The following THSD7B variants were observed in gnomAD, a reference collection of about 807,000 sequenced individuals.
The protein encoded by THSD7B is thrombospondin type-1 domain-containing protein 7B.
THSD7B carries 138 observed loss-of-function variants against 213.6 expected under a neutral mutation model. The observed-to-expected ratio is 0.65, with a 90% CI of 0.56 to 0.74. The LOEUF is 0.74. Ranked by LOEUF, THSD7B falls within the 30% of genes least tolerant of loss-of-function variation. THSD7B has a pLI of 0.00. For missense variants in THSD7B, 1,931 were observed against 1,991.5 expected (o/e 0.97, Z 0.58); for synonymous variants, 742 against 687.0 (o/e 1.08, Z -1.25).
intron 2 of THSD7B, among the ~76,000 whole-genome samples, chr2:136,999,325 A>C (rs1685958866): frequency 6.6e-6 from 1 of 152,134 alleles, no homozygotes; most frequent in Non-Finnish European, 1.5e-5. Flanking sequence ...CTTTTATCTA[A>C]CCTTTGCTAG....
chr2:137,599,314 T>C (rs997079840), intron 17 of THSD7B, among the ~76,000 whole-genome samples: 4 of 152,066 alleles, frequency 2.6e-5, no homozygotes, highest in Non-Finnish European at 5.9e-5. Context: ...TCCAAGTCTT[T>C]GCTATTGTGA....
At chr2:136,911,009 A>G (rs1190830097) in intron 2 of THSD7B, among the ~76,000 whole-genome samples, 1 of 152,158 alleles carries the variant, frequency 6.6e-6, no homozygotes, top group Non-Finnish European at 1.5e-5. Flanking sequence ...TACCTTAATT[A>G]TAGAATTATG....
intron 5 of THSD7B, among the ~76,000 whole-genome samples, chr2:137,116,574 A>C (rs1211149816): frequency 6.6e-6 from 1 of 152,174 alleles, no homozygotes; most frequent in Non-Finnish European, 1.5e-5. Context: ...ATTATGACCT[A>C]CCTATTTTTC....
At chr2:136,869,661 A>G (rs970522673) in intron 1 of THSD7B, among the ~76,000 whole-genome samples, 4 of 152,228 alleles carry the variant, frequency 2.6e-5, no homozygotes, top group Non-Finnish European at 5.9e-5. Context: ...TTGATTCCAT[A>G]ATTTCATTCC....
At chr2:137,483,327 T>C (rs904374057) in intron 15 of THSD7B, among the ~76,000 whole-genome samples, 1 of 152,222 alleles carries the variant, frequency 6.6e-6, no homozygotes, top group Non-Finnish European at 1.5e-5. Context: ...TTACTGAAAG[T>C]TACATAACTA....
At chr2:137,287,643 C>G (rs1186704332) in intron 12 of THSD7B, among the ~76,000 whole-genome samples, 1 of 152,068 alleles carries the variant, frequency 6.6e-6, no homozygotes, top group East Asian at 1.9e-4. Context: ...AGATGCTGTC[C>G]TGTGCCAGCC....
chr2:136,808,050 C>T (rs1473635327), intron 1 of THSD7B, among the ~76,000 whole-genome samples: 1 of 152,194 alleles, frequency 6.6e-6, no homozygotes, highest in Non-Finnish European at 1.5e-5. Flanking sequence ...CAAATCTGAT[C>T]TGTTACCTTG....
intron 1 of THSD7B, among the ~76,000 whole-genome samples, chr2:136,769,729 A>G (rs929618628): frequency 1.3e-5 from 2 of 152,198 alleles, no homozygotes; most frequent in Admixed American, 6.5e-5. Flanking sequence ...TGTGATGTGG[A>G]AATCAGTAGA....
chr2:137,530,079 C>T (rs1680367920), intron 15 of THSD7B, among the ~76,000 whole-genome samples: 2 of 151,910 alleles, frequency 1.3e-5, no homozygotes, highest in African/African-American at 4.8e-5. Flanking sequence ...GAAAGCTGTG[C>T]AGGCCTAATG....
intron 12 of THSD7B, among the ~76,000 whole-genome samples, chr2:137,359,243 T>C (rs1685200899): frequency 6.6e-6 from 1 of 152,174 alleles, no homozygotes. Context: ...AGGAGCTACT[T>C]CTAGGAGCAT....
At chr2:137,538,962 A>G (rs1680557656) in intron 15 of THSD7B, among the ~76,000 whole-genome samples, 2 of 151,712 alleles carry the variant, frequency 1.3e-5, no homozygotes. Flanking sequence ...CCAAATTCTT[A>G]GTAAATAGCT....
intron 3 of THSD7B, among the ~76,000 whole-genome samples, chr2:137,094,045 G>A (rs780135209): frequency 2.6e-5 from 4 of 152,124 alleles, no homozygotes; most frequent in Non-Finnish European, 4.4e-5. Context: ...AAATTACCCA[G>A]TATTTACCAC....
chr2:136,933,158 T>TCCTG (rs1415573699), intron 2 of THSD7B, among the ~76,000 whole-genome samples: 4 of 150,234 alleles, frequency 2.7e-5, no homozygotes, highest in Non-Finnish European at 4.4e-5. Flanking sequence ...CTTCCTTCCT[T>TCCTG]CCTTCCTTCC....
intron 27 of THSD7B, among the ~76,000 whole-genome samples, chr2:137,668,780 AAAG>A (rs1230139869): frequency 2.6e-5 from 4 of 152,212 alleles, no homozygotes; most frequent in African/African-American, 9.6e-5. Context: ...AAGCTAGAGA[AAAG>A]AAAATGTAAT....
intron 12 of THSD7B, among the ~76,000 whole-genome samples, chr2:137,303,259 C>T (rs1243927811): frequency 6.6e-6 from 1 of 152,168 alleles, no homozygotes; most frequent in Non-Finnish European, 1.5e-5. Flanking sequence ...TGGCTTCAAG[C>T]CATATTCCTG....
intron 1 of THSD7B, among the ~76,000 whole-genome samples, chr2:136,824,401 C>A (rs1558817109): frequency 6.6e-6 from 1 of 151,374 alleles, no homozygotes; most frequent in East Asian, 1.9e-4. Context: ...AGATTAAGGT[C>A]TTTTTTTTCT....
intron 12 of THSD7B, among the ~76,000 whole-genome samples, chr2:137,285,385 A>G (rs117130929): frequency 0.014 from 2,130 of 152,202 alleles, 45 homozygotes; most frequent in East Asian, 0.07. Flanking sequence ...TAATTGGAGC[A>G]TGTAGCCCAT....
At chr2:136,901,689 TC>T (rs1030654657) in intron 2 of THSD7B, among the ~76,000 whole-genome samples, 3 of 152,152 alleles carry the variant, frequency 2.0e-5, no homozygotes, top group Non-Finnish European at 4.4e-5. Flanking sequence ...AAGGAGAAAT[TC>T]CCCCCAGGGA....
At position 137,334,554 on chromosome 2, in the gene THSD7B, A is replaced by G. The variant is rs757146224; in HGVS notation, c.2500+58528A>G. Among the ~76,000 whole-genome samples, 25 of 151,942 alleles carry G rather than the reference A, an allele frequency of 1.6e-4. 1 individual carries two copies. Among genetic ancestry groups the G allele is most frequent in the Non-Finnish European group, 1.5e-5 (1 of 67,986 alleles). ...ATGCCCTTCATCCTCGGATTCCTCC[A>G]TTTCTCCCCATTCCTCCAGCCCTAC... is the stretch of plus-strand genomic sequence containing the variant. On this transcript the variant is annotated intron_variant, in intron 12 of 27. Transcript: ENST00000409968.
Sources: allele counts gnomAD v4.1 joint callset (sites outside exome capture counted in the v4.1 genomes callset), GRCh38; gene constraint gnomAD v4.1.1; transcripts MANE v1.5; gene names NCBI Gene and HGNC (gene_info 2026-07-23, HGNC 2026-07-21).